Variants in NAA16 observed in about 807,000 individuals in gnomAD.
NAA16 encodes N-alpha-acetyltransferase 16, NatA auxiliary subunit.
NAA16 carries 97 observed loss-of-function variants against 110.3 expected under a neutral mutation model. The observed-to-expected ratio is 0.88, with a 90% CI of 0.75 to 1.04. NAA16 has a LOEUF of 1.04. Among genes scored for constraint, NAA16 ranks in the 50% least tolerant of loss-of-function variants. The pLI is 0.00. For missense variants in NAA16, 1,017 were observed against 1,005.1 expected, an observed-to-expected ratio of 1.01 and a Z score of -0.16; for synonymous variants, 372 against 330.6, an observed-to-expected ratio of 1.13 and a Z score of -1.36.
At chr13:41,362,840 T>C (rs960724583) in intron 13 of NAA16, 4 of 1,289,062 alleles carry the variant, frequency 3.1e-6, no homozygotes, top group Non-Finnish European at 4.0e-6. Context: ...GTTCCCATCC[T>C]GACGCAGTAT....
At chr13:41,366,109 C>T (rs2043202871) in intron 13 of NAA16, among the ~76,000 whole-genome samples, 2 of 152,050 alleles carry the variant, frequency 1.3e-5, no homozygotes, top group South Asian at 2.1e-4. Context: ...TTAATATTTA[C>T]GATTTGATTT....
chr13:41,347,291 A>AT (rs1214273054), intron 9 of NAA16, among the ~76,000 whole-genome samples: 9 of 150,384 alleles, frequency 6.0e-5, no homozygotes, highest in Non-Finnish European at 1.0e-4. Context: ...CTTCAAGACT[A>AT]TTTTTTTATT....
intron 13 of NAA16, among the ~76,000 whole-genome samples, chr13:41,365,526 T>C (rs1338119022): frequency 1.3e-5 from 2 of 152,196 alleles, no homozygotes; most frequent in Non-Finnish European, 2.9e-5. Context: ...CAAAAGCAAA[T>C]ATTACAATCA....
chr13:41,365,137 G>A (rs2043184987), intron 13 of NAA16, among the ~76,000 whole-genome samples: 2 of 152,070 alleles, frequency 1.3e-5, no homozygotes, highest in African/African-American at 4.8e-5. Flanking sequence ...TGGCCAAAAG[G>A]TACAGGGAAA....
intron 9 of NAA16, among the ~76,000 whole-genome samples, chr13:41,338,879 G>C (rs1228812697): frequency 6.6e-6 from 1 of 152,082 alleles, no homozygotes; most frequent in Non-Finnish European, 1.5e-5. Context: ...AGTGTGCACT[G>C]CACCCCAGGA....
intron 13 of NAA16, among the ~76,000 whole-genome samples, chr13:41,364,401 C>T (rs1265652309): frequency 6.6e-6 from 1 of 151,988 alleles, no homozygotes; most frequent in African/African-American, 2.4e-5. Context: ...TTTCATCCCC[C>T]CCCCATAAGA....
At chr13:41,314,856 G>A (rs538546517) in intron 1 of NAA16, among the ~76,000 whole-genome samples, 4 of 152,200 alleles carry the variant, frequency 2.6e-5, no homozygotes, top group Non-Finnish European at 5.9e-5. Flanking sequence ...ATTTAGCCAG[G>A]CATGATGGCA....
intron 3 of NAA16, among the ~76,000 whole-genome samples, chr13:41,319,924 A>G (rs570028445): frequency 1.4e-5 from 2 of 147,246 alleles, no homozygotes; most frequent in East Asian, 4.0e-4. Flanking sequence ...TTGCCCTTGC[A>G]TTTTAGTTTG....
chr13:41,362,614 T>C, intron 13 of NAA16: 1 of 892,458 alleles, frequency 1.1e-6, no homozygotes, highest in Non-Finnish European at 1.6e-6. Flanking sequence ...TATGGCCAGT[T>C]TGCAGGCTTA....
At position 41,331,632 on chromosome 13, in the gene NAA16, T is replaced by C. The variant is rs1050057468; in HGVS notation, c.907+263T>C. ...ATAGAGGTAGAAAGAATGATAGATA[T>C]CAGAGCTGGCAAGGGGAGTGTGGGG... On this transcript the variant is annotated intron_variant, in intron 8 of 19. Transcript: ENST00000379406. Among the ~76,000 whole-genome samples the C allele has an allele frequency of 3.9e-5, 6 of 151,984 alleles. 1 individual carries two copies. Among genetic ancestry groups the C allele is most frequent in the Admixed American group, 2.0e-4 (3 of 15,228 alleles).
In NAA16 at chr13:41,365,192, C is replaced by G. The variant is rs533136610; in HGVS notation, c.1540-2247C>G. Among the ~76,000 whole-genome samples, 11 of 152,144 alleles carry G rather than the reference C, an allele frequency of 7.2e-5. No individual in the cohort carries two copies. The South Asian group carries it at 2.3e-3, about 32-fold the overall frequency. ...TTGTGTAGCATATTTTTGTGTTTTA[C>G]AAATTTAGAGACTAAAAAATCAACC... is the stretch of plus-strand genomic sequence containing the variant. On this transcript the variant is annotated intron_variant, in intron 13 of 19. Coordinates refer to ENST00000379406, the MANE Select transcript of NAA16 (RefSeq NM_024561.5).
intron 10 of NAA16, among the ~76,000 whole-genome samples, chr13:41,357,010 T>C (rs539243577): frequency 5.3e-5 from 8 of 152,334 alleles, no homozygotes; most frequent in African/African-American, 1.9e-4. Context: ...CAGCCTGTTA[T>C]ACTCATTAAA....
At chr13:41,325,298 C>T (rs1053284368) in intron 5 of NAA16, among the ~76,000 whole-genome samples, 1 of 151,712 alleles carries the variant, frequency 6.6e-6, no homozygotes, top group African/African-American at 2.4e-5. Context: ...TTGTGTCACT[C>T]ACTTTATTGT....
At chr13:41,327,458 TA>T (rs5803086) in intron 6 of NAA16, among the ~76,000 whole-genome samples, 6 of 147,938 alleles carry the variant, frequency 4.1e-5, no homozygotes, top group Non-Finnish European at 9.0e-5. Flanking sequence ...TATTTAATCT[TA>T]AAAAAAAAAA....
At position 41,331,350 on chromosome 13, in the gene NAA16, A is replaced by G; in HGVS notation, c.888A>G (p.Leu296=). Residue 296 remains leucine (L), a synonymous_variant, in exon 8 of 20, where the codon TTA becomes TTG. Transcript: ENST00000379406. ...QHPKAITPRR[L]PLTLVPGERF... ...CCAAAGCAATTACACCCAGAAGATT[A>G]CCTTTGACTCTTGTCCCAGGTAATA... 1 of 1,605,522 alleles carries G rather than the reference A, an allele frequency of 6.2e-7. No homozygotes were observed. Among genetic ancestry groups the G allele is most frequent in the South Asian group, 1.1e-5 (1 of 89,704 alleles).
At position 41,369,211 on chromosome 13, in the gene NAA16, GAAAA is replaced by G; in HGVS notation, c.1879_1882del (p.Lys627GlufsTer20). On this transcript the variant is annotated frameshift_variant, in exon 15 of 20. Transcript: ENST00000379406. LOFTEE classifies it high-confidence loss of function. ...GAGAACGTCAACAGAAAAATCAAAA[GAAAA>G]AAAGAGATGAAGAAGAAGAAGAAGC... The G allele has an allele frequency of 6.3e-7, 1 of 1,594,474 alleles. No individual in the cohort carries two copies. Among genetic ancestry groups the G allele is most frequent in the Non-Finnish European group, 8.5e-7 (1 of 1,173,208 alleles).
In NAA16 at chr13:41,358,322, C is replaced by G. The variant is rs529070346; in HGVS notation, c.1106C>G (p.Pro369Arg). 4.3e-6 allele frequency: 7 copies of G among 1,612,942 alleles called. No individual in the cohort carries two copies. The South Asian group carries it at 7.7e-5, about 18-fold the overall frequency. The change falls in exon 11 of 20, where the codon CCC (proline) becomes CGC (arginine). Residue 369 changes from proline (P) to arginine (R), a missense_variant. Transcript: ENST00000379406. ...FSPYENGEKE[P>R]PTTLLWVQYF... ...ATTGCAGAGAATGGGGAGAAGGAAC[C>G]CCCGACAACACTACTCTGGGTTCAG...
chr13:41,313,796 G>C (rs371296098), intron 1 of NAA16, among the ~76,000 whole-genome samples: 13 of 152,016 alleles, frequency 8.6e-5, no homozygotes, highest in African/African-American at 3.1e-4. Flanking sequence ...CTGGTTAGTA[G>C]CAAAGTTGAG....
At chr13:41,320,609 A>G (rs918086092) in intron 3 of NAA16, 58 bp from the exon 4 acceptor site, 1 of 1,406,316 alleles carries the variant, frequency 7.1e-7, no homozygotes. Context: ...TTTATATTAG[A>G]TATGTATCAT....
Sources: gnomAD v4.1 joint callset for allele counts (sites outside exome capture counted in the v4.1 genomes callset) on GRCh38, gnomAD v4.1.1 for gene constraint, MANE v1.5 for transcripts, NCBI Gene and HGNC (gene_info 2026-07-23, HGNC 2026-07-21) for gene names.